Variants in ADAM12 observed in about 807,000 individuals in gnomAD.
ADAM12 encodes the protein disintegrin and metalloproteinase domain-containing protein 12.
Under a neutral mutation model 106.4 loss-of-function variants are expected in ADAM12, and 70 were observed. The ratio of observed to expected loss-of-function variants is 0.66; its 90% CI spans 0.54 to 0.80. ADAM12 has a LOEUF of 0.80. Among genes scored for constraint, ADAM12 ranks in the 30% least tolerant of loss-of-function variants. The pLI is 0.00. For missense variants in ADAM12, 1,010 were observed against 1,171.9 expected, an observed-to-expected ratio of 0.86 and a Z score of 2.02; for synonymous variants, 420 against 433.5, an observed-to-expected ratio of 0.97 and a Z score of 0.39.
Position 126,348,598 on chromosome 10 carries a change from C to T in ADAM12, c.89-18089G>A, listed in dbSNP as rs552560044. ...TCAGAAGTGCAGTAGATGTGATCTACGTCCACTTTGTTCTAACAGAACACT... is the reference window on the plus strand; with the variant it reads ...TCAGAAGTGCAGTAGATGTGATCTATGTCCACTTTGTTCTAACAGAACACT... On this transcript the variant is annotated intron_variant, in intron 1 of 22. Transcript: ENST00000448723. Among the ~76,000 whole-genome samples, 13 of 152,286 alleles carry T rather than the reference C, an allele frequency of 8.5e-5. No homozygotes were observed. The East Asian group carries it at 1.4e-3, about 16-fold the overall frequency.
At chr10:126,086,403 C>T (rs1399665920) in intron 11 of ADAM12, among the ~76,000 whole-genome samples, 6 of 150,878 alleles carry the variant, frequency 4.0e-5, no homozygotes, top group Admixed American at 3.3e-4. Flanking sequence ...TGGCCAGGTG[C>T]GGTGGCTCAC....
At chr10:126,347,035 A>G (rs1242064290) in intron 1 of ADAM12, among the ~76,000 whole-genome samples, 2 of 152,084 alleles carry the variant, frequency 1.3e-5, no homozygotes, top group East Asian at 1.9e-4. Flanking sequence ...TAAGGTTAAT[A>G]TTGTTATGTG....
intron 9 of ADAM12, among the ~76,000 whole-genome samples, chr10:126,099,682 G>A (rs987672532): frequency 2.6e-5 from 4 of 152,170 alleles, no homozygotes; most frequent in African/African-American, 9.7e-5. Context: ...CAAGGGTAGG[G>A]GCAGGGGGGA....
intron 5 of ADAM12, among the ~76,000 whole-genome samples, chr10:126,125,394 GC>G (rs1453747314): frequency 6.6e-6 from 1 of 151,718 alleles, no homozygotes; most frequent in Non-Finnish European, 1.5e-5. Flanking sequence ...ACAGGCATGT[GC>G]CACCACACCC....
At chr10:126,375,668 T>C (rs1856261260) in intron 1 of ADAM12, among the ~76,000 whole-genome samples, 1 of 141,204 alleles carries the variant, frequency 7.1e-6, no homozygotes, top group African/African-American at 2.6e-5. Context: ...GGTGTAAAGA[T>C]AGCAAAAGTT....
chr10:126,096,244 A>T lies in ADAM12; in HGVS notation c.997-2111T>A, dbSNP rs191560123. On this transcript the variant is annotated intron_variant, in intron 10 of 22. Transcript: ENST00000448723. ...AATTCAAGGAATTCACCCTTAAAAA[A>T]TATTCTTCTGATTCTTTTGTGTCAT... is the stretch of plus-strand genomic sequence containing the variant. Among the ~76,000 whole-genome samples the T allele has an allele frequency of 5.9e-5, 9 of 152,328 alleles. No homozygotes were observed. In the East Asian group the frequency reaches 9.6e-4, roughly 16 times the overall value.
chr10:126,154,160 C>T (rs1449697790), intron 4 of ADAM12, among the ~76,000 whole-genome samples: 1 of 152,180 alleles, frequency 6.6e-6, no homozygotes, highest in Non-Finnish European at 1.5e-5. Context: ...TTGAATAGCC[C>T]TTTGGGTCTT....
chr10:126,303,157 T>C (rs1282057380), intron 2 of ADAM12, among the ~76,000 whole-genome samples: 2 of 152,240 alleles, frequency 1.3e-5, no homozygotes, highest in African/African-American at 4.8e-5. Context: ...GATCCATTGC[T>C]GTTTTGGGAA....
rs758599174 is a variant in ADAM12 at position 126,043,880 on chromosome 10, C to T, written c.1996-732G>A. Among the ~76,000 whole-genome samples the T allele has an allele frequency of 1.4e-4, 21 of 152,264 alleles. No individual in the cohort carries two copies. Among genetic ancestry groups the T allele is most frequent in the South Asian group, 6.2e-4 (3 of 4,826 alleles). On this transcript the variant is annotated intron_variant, in intron 17 of 22. Transcript: ENST00000448723. This position sits in a 1 kb window ranked among gnomAD's most constrained non-coding sequence, Gnocchi z 4.1. ...GTGAAATAAGAGAATGGTTCTGGCA[C>T]GGCGGGAAAGGGAGACCAAGAAAGC...
intron 12 of ADAM12, among the ~76,000 whole-genome samples, chr10:126,069,212 A>C (rs1313995428): frequency 6.6e-6 from 1 of 152,198 alleles, no homozygotes; most frequent in East Asian, 1.9e-4. Context: ...ACTGCCAAAC[A>C]CAATTTGAGT....
intron 1 of ADAM12, among the ~76,000 whole-genome samples, chr10:126,357,622 C>A (rs915742660): frequency 6.6e-6 from 1 of 152,258 alleles, no homozygotes; most frequent in Admixed American, 6.5e-5. Context: ...CCTCAGGAAA[C>A]TTATGATCAT....
intron 2 of ADAM12, among the ~76,000 whole-genome samples, chr10:126,322,573 C>T (rs1481340404): frequency 1.3e-5 from 2 of 152,190 alleles, no homozygotes; most frequent in African/African-American, 4.8e-5. Context: ...GCTTATCCAG[C>T]CCTGGGGCAG....
At chr10:126,384,392 A>C (rs1322693657) in intron 1 of ADAM12, among the ~76,000 whole-genome samples, 1 of 152,196 alleles carries the variant, frequency 6.6e-6, no homozygotes, top group Non-Finnish European at 1.5e-5. Flanking sequence ...AACGTGCTCC[A>C]CAGAAATGAG....
At chr10:126,153,432 T>G (rs182704950) in intron 4 of ADAM12, among the ~76,000 whole-genome samples, 29 of 152,322 alleles carry the variant, frequency 1.9e-4, no homozygotes, top group Admixed American at 8.5e-4. Context: ...TCCTCAAGAC[T>G]CATGTCTTTC....
chr10:126,158,313 G>C (rs898920756), intron 3 of ADAM12, among the ~76,000 whole-genome samples: 2 of 151,694 alleles, frequency 1.3e-5, no homozygotes, highest in African/African-American at 2.4e-5. Flanking sequence ...AGAGCACAGG[G>C]GGAGGCACAG....
At chr10:126,145,127 G>T (rs1398665850) in intron 4 of ADAM12, among the ~76,000 whole-genome samples, 1 of 152,166 alleles carries the variant, frequency 6.6e-6, no homozygotes, top group African/African-American at 2.4e-5. Context: ...GTCATATGTT[G>T]TTAGAATGTA....
chr10:126,351,620 G>A (rs1855363341), intron 1 of ADAM12, among the ~76,000 whole-genome samples: 1 of 152,136 alleles, frequency 6.6e-6, no homozygotes, highest in Non-Finnish European at 1.5e-5. Context: ...ACATCAACAT[G>A]CTGAATAGAT....
chr10:126,379,659 G>A (rs1051527547), intron 1 of ADAM12, among the ~76,000 whole-genome samples: 9 of 152,064 alleles, frequency 5.9e-5, no homozygotes, highest in Admixed American at 1.3e-4. Context: ...AAAACTGCAC[G>A]TTCTGCCATG....
At chr10:126,125,994 G>A (rs1321238630) in intron 5 of ADAM12, among the ~76,000 whole-genome samples, 2 of 152,070 alleles carry the variant, frequency 1.3e-5, no homozygotes, top group Admixed American at 6.6e-5. Context: ...CTCTGCTGAA[G>A]AAACCAACCC....
Sources: allele counts gnomAD v4.1 joint callset (sites outside exome capture counted in the v4.1 genomes callset), GRCh38; gene constraint gnomAD v4.1.1; non-coding constraint Gnocchi (gnomAD v3.1); transcripts MANE v1.5; gene names NCBI Gene and HGNC (gene_info 2026-07-23, HGNC 2026-07-21).